IFT43: variants seen among roughly 807,000 people sequenced by gnomAD.
IFT43 encodes intraflagellar transport protein 43 homolog.
IFT43 carries 33 observed loss-of-function variants against 32.3 expected under a neutral mutation model. The observed-to-expected ratio is 1.02, with a 90% CI of 0.77 to 1.37. The LOEUF (loss-of-function observed/expected upper bound fraction) is 1.37, where lower values mean the gene tolerates loss of function less well. Among genes scored for constraint, IFT43 ranks in the 40% most tolerant of loss-of-function variants. The pLI is 0.00. For synonymous variants in IFT43, 93 were observed against 98.2 expected (o/e 0.95, Z 0.31); for missense variants, 274 against 265.9 (o/e 1.03, Z -0.21).
At chr14:75,993,455 C>G (rs2035681023) in intron 2 of IFT43, among the ~76,000 whole-genome samples, 1 of 152,176 alleles carries the variant, frequency 6.6e-6, no homozygotes, top group Admixed American at 6.5e-5. Context: ...TTTGATACAC[C>G]TGGTCAGATT....
chr14:76,062,524 A>C (rs879618322), intron 5 of IFT43, among the ~76,000 whole-genome samples: 2 of 152,202 alleles, frequency 1.3e-5, no homozygotes, highest in Non-Finnish European at 2.9e-5. Context: ...TGAGTTGAAA[A>C]TATTGTAACA....
rs569712363 is a variant in IFT43, at chr14:76,003,950, A to ATTT, written c.147+14976_147+14978dup. ...CACCACCCACCTGGCTAATTTTTGC[A>ATTT]TTTTTAGTAGAGACAGGATTTCACC... On this transcript the variant is annotated intron_variant, in intron 2 of 8. Coordinates refer to ENST00000314067, the MANE Select transcript of IFT43 (RefSeq NM_001102564.3). Among the ~76,000 whole-genome samples, 196 of 151,956 alleles carry ATTT rather than the reference A, an allele frequency of 1.3e-3. 1 individual carries two copies. The highest frequency in any genetic ancestry group is 2.8e-3 in the Admixed American group (43 of 15,274).
chr14:76,051,439 A>T (rs2036912070), intron 3 of IFT43, among the ~76,000 whole-genome samples: 1 of 151,958 alleles, frequency 6.6e-6, no homozygotes. Flanking sequence ...CCTGGGATTG[A>T]ATGAGCAGTG....
intron 2 of IFT43, among the ~76,000 whole-genome samples, chr14:75,992,570 G>C (rs1402517963): frequency 6.6e-6 from 1 of 152,040 alleles, no homozygotes; most frequent in African/African-American, 2.4e-5. Context: ...TTTTGAGGCA[G>C]GGTCTTGCTC....
intron 5 of IFT43, among the ~76,000 whole-genome samples, chr14:76,060,778 A>G (rs1472682532): frequency 1.3e-5 from 2 of 151,650 alleles, no homozygotes; most frequent in South Asian, 2.1e-4. Flanking sequence ...TAGTTATTTT[A>G]TTGTCTTTGG....
At position 76,030,055 on chromosome 14, in the gene IFT43, A is replaced by T. The variant is rs1393028164; in HGVS notation, c.215+7661A>T. 2.6e-5 allele frequency among the ~76,000 whole-genome samples: 4 copies of T among 151,322 alleles called. No homozygotes were observed. The East Asian group carries it at 7.8e-4, about 29-fold the overall frequency. ...ACCACAATGCCTGGCTAATTTTTTT[A>T]AATTCTTATTTTTGTAGAGCTGTGG... On this transcript the variant is annotated intron_variant, in intron 3 of 8. Transcript: ENST00000314067.
intron 2 of IFT43, among the ~76,000 whole-genome samples, chr14:75,992,869 G>T (rs538006229): frequency 2.0e-5 from 3 of 152,250 alleles, no homozygotes; most frequent in African/African-American, 7.2e-5. Flanking sequence ...CTTTCTAGTT[G>T]CAGCAGGCGT....
chr14:76,011,910 C>T (rs1293836052), intron 2 of IFT43, among the ~76,000 whole-genome samples: 1 of 152,114 alleles, frequency 6.6e-6, no homozygotes, highest in Non-Finnish European at 1.5e-5. Context: ...ATGCACATAC[C>T]GTATTACTAT....
rs1344275273 is a variant in IFT43, at chr14:75,992,705, C to T, written c.147+3728C>T. Among the ~76,000 whole-genome samples, 10 of 152,218 alleles carry T rather than the reference C, an allele frequency of 6.6e-5. No individual in the cohort carries two copies. The East Asian group carries it at 1.9e-3, about 29-fold the overall frequency. Reference sequence around the variant, plus strand: ...GGACCACAGGCATGCACCACCACACCTGACTGATTTTTTTTTGTAGAGACG... The same window carrying T: ...GGACCACAGGCATGCACCACCACACTTGACTGATTTTTTTTTGTAGAGACG... On this transcript the variant is annotated intron_variant, in intron 2 of 8. Coordinates refer to ENST00000314067, the MANE Select transcript of IFT43 (RefSeq NM_001102564.3).
intron 2 of IFT43, among the ~76,000 whole-genome samples, chr14:75,993,984 G>A (rs2035692508): frequency 6.6e-6 from 1 of 152,118 alleles, no homozygotes; most frequent in South Asian, 2.1e-4. Context: ...TTTTTAATGG[G>A]CACATTACCA....
intron 2 of IFT43, among the ~76,000 whole-genome samples, chr14:76,000,407 G>T (rs898187869): frequency 6.6e-6 from 1 of 151,474 alleles, no homozygotes; most frequent in Admixed American, 6.6e-5. Flanking sequence ...TAGGACTACA[G>T]GCGCCTGCCA....
chr14:76,012,375 C>G (rs2036102272), intron 2 of IFT43, among the ~76,000 whole-genome samples: 1 of 152,182 alleles, frequency 6.6e-6, no homozygotes, highest in Admixed American at 6.5e-5. Context: ...CATGGTAATT[C>G]CAGTTATTGA....
intron 2 of IFT43, among the ~76,000 whole-genome samples, chr14:75,999,271 ATGTATATATATTT>A (rs1442501696): frequency 5.0e-4 from 13 of 25,808 alleles, no homozygotes; most frequent in East Asian, 3.3e-3. Context: ...ATATATATAT[ATGTATATATATTT>A]TTTTTTTTTT....
chr14:76,043,433 T>C (rs1196136161), intron 3 of IFT43, among the ~76,000 whole-genome samples: 1 of 150,698 alleles, frequency 6.6e-6, no homozygotes, highest in Non-Finnish European at 1.5e-5. Context: ...GCCACTGCAG[T>C]GTTGACAGGT....
intron 3 of IFT43, among the ~76,000 whole-genome samples, chr14:76,042,589 C>T (rs2036727636): frequency 6.6e-6 from 1 of 152,230 alleles, no homozygotes; most frequent in Non-Finnish European, 1.5e-5. Context: ...GCTGCCTGAC[C>T]CACCAGAAGA....
chr14:76,013,765 C>T (rs974604062), intron 2 of IFT43: 4 of 321,496 alleles, frequency 1.2e-5, no homozygotes, highest in African/African-American at 8.8e-5. Flanking sequence ...TTTGAGGAAA[C>T]TAATTCTTGA....
At chr14:76,046,663 A>G (rs946826332) in intron 3 of IFT43, among the ~76,000 whole-genome samples, 1 of 152,212 alleles carries the variant, frequency 6.6e-6, no homozygotes, top group Non-Finnish European at 1.5e-5. Context: ...GCCAAGTTCT[A>G]TGCAAAATGC....
intron 2 of IFT43, among the ~76,000 whole-genome samples, chr14:76,018,933 T>C (rs2036239976): frequency 6.6e-6 from 1 of 152,118 alleles, no homozygotes; most frequent in Admixed American, 6.5e-5. Flanking sequence ...AAGTTTCTTA[T>C]AGGCAGCAAA....
At chr14:76,059,077 C>T (rs2037081049) in intron 4 of IFT43, 1 of 1,431,210 alleles carries the variant, frequency 7.0e-7, no homozygotes, top group Non-Finnish European at 9.1e-7. Flanking sequence ...TTTCCTACTC[C>T]CAGGGGCGGA....
Sources: allele counts gnomAD v4.1 joint callset (sites outside exome capture counted in the v4.1 genomes callset), GRCh38; gene constraint gnomAD v4.1.1; transcripts MANE v1.5; gene names NCBI Gene and HGNC (gene_info 2026-07-23, HGNC 2026-07-21).